ZNF536: variants seen among roughly 807,000 people sequenced by gnomAD.
ZNF536 encodes zinc finger protein 536.
In ZNF536, 13 loss-of-function variants were observed where a neutral mutation model predicts 84.5. The observed-to-expected ratio is 0.15, with a 90% CI of 0.10 to 0.24. ZNF536 has a LOEUF of 0.24. Among genes scored for constraint, ZNF536 ranks in the 10% least tolerant of loss-of-function variants. The pLI is 1.00. For synonymous variants in ZNF536, 811 were observed against 742.5 expected, an observed-to-expected ratio of 1.09 and a Z score of -1.50; for missense variants, 1,536 against 1,747.5, an observed-to-expected ratio of 0.88 and a Z score of 2.16.
chr19:30,505,344 TAATA>T (rs1387816731), intron 2 of ZNF536, among the ~76,000 whole-genome samples: 1 of 144,726 alleles, frequency 6.9e-6, no homozygotes, highest in Non-Finnish European at 1.5e-5. Context: ...TATTTTATGA[TAATA>T]AATATATATT....
chr19:30,356,011 G>A (rs1336401637), intron 3 of ZNF536, among the ~76,000 whole-genome samples: 1 of 152,210 alleles, frequency 6.6e-6, no homozygotes, highest in Admixed American at 6.5e-5. Context: ...ACACATGTAA[G>A]CCACTGTGCC....
At chr19:30,450,322 A>AG (rs898219912) in intron 2 of ZNF536, among the ~76,000 whole-genome samples, 5 of 150,886 alleles carry the variant, frequency 3.3e-5, no homozygotes, top group African/African-American at 7.3e-5. Flanking sequence ...AGGGGGCTGG[A>AG]GGGGGGGAGA....
intron 1 of ZNF536, among the ~76,000 whole-genome samples, chr19:30,270,502 A>C (rs942670984): frequency 2.6e-5 from 4 of 152,226 alleles, no homozygotes; most frequent in Non-Finnish European, 5.9e-5. Context: ...TGCCTGTCAA[A>C]AATAAATGCA....
intron 1 of ZNF536, among the ~76,000 whole-genome samples, chr19:30,651,167 G>A (rs1018462697): frequency 6.6e-6 from 1 of 152,134 alleles, no homozygotes; most frequent in Non-Finnish European, 1.5e-5. Flanking sequence ...GGTTAGGTGG[G>A]GTCCTGGAGG....
chr19:30,579,531 A>G (rs2046849143), intron 1 of ZNF536, among the ~76,000 whole-genome samples: 1 of 152,122 alleles, frequency 6.6e-6, no homozygotes, highest in Non-Finnish European at 1.5e-5. Context: ...CTTCCAAGAG[A>G]GCAAATGGAA....
chr19:30,306,133 T>C (rs933355667), intron 2 of ZNF536, among the ~76,000 whole-genome samples: 24 of 152,226 alleles, frequency 1.6e-4, no homozygotes, highest in Non-Finnish European at 2.8e-4. Flanking sequence ...CCTTTTTTTT[T>C]CAAAAGGTCA....
At chr19:30,437,080 T>C (rs547463917) in intron 1 of ZNF536, among the ~76,000 whole-genome samples, 1 of 152,364 alleles carries the variant, frequency 6.6e-6, no homozygotes, top group East Asian at 1.9e-4. Context: ...TGATTCTTTT[T>C]CGTGGTATAA....
rs999337825 is a variant in ZNF536, at chr19:30,319,797, A to C, written c.-119-32571A>C. Among the ~76,000 whole-genome samples, 3 of 152,364 alleles carry C rather than the reference A, an allele frequency of 2.0e-5. No homozygotes were observed. The East Asian group carries it at 5.8e-4, about 29-fold the overall frequency. Reference sequence around the variant, plus strand: ...CAAGTATATTTGGAACGAGCTAATAAACATTAATCAATATCATCAGCTGTA... The same window carrying C: ...CAAGTATATTTGGAACGAGCTAATACACATTAATCAATATCATCAGCTGTA... On this transcript the variant is annotated intron_variant, in intron 2 of 5. Coordinates refer to the ZNF536 transcript ENST00000585628.
At chr19:30,701,119 C>T (rs1600318389) in intron 1 of ZNF536, among the ~76,000 whole-genome samples, 1 of 152,278 alleles carries the variant, frequency 6.6e-6, no homozygotes, top group East Asian at 1.9e-4. Flanking sequence ...TCCTCGTGCT[C>T]AATGCCCAGC....
chr19:30,535,115 C>T (rs1033449110), intron 3 of ZNF536, 116 bp downstream of exon 3: 3 of 1,254,428 alleles, frequency 2.4e-6, no homozygotes, highest in South Asian at 1.7e-5. Context: ...GAAGGTTCTC[C>T]CTGGGCCTGT....
At chr19:30,533,549 G>T (rs958256380) in intron 2 of ZNF536, among the ~76,000 whole-genome samples, 2 of 151,890 alleles carry the variant, frequency 1.3e-5, no homozygotes, top group African/African-American at 4.8e-5. Context: ...TAAATGTGTT[G>T]TCCTTCATCT....
At chr19:30,463,770 G>A (rs866252846) in intron 2 of ZNF536, among the ~76,000 whole-genome samples, 4 of 152,286 alleles carry the variant, frequency 2.6e-5, no homozygotes, top group African/African-American at 9.6e-5. Context: ...TTTTGGTGGG[G>A]GTTATTGTGA....
At chr19:30,407,192 T>C (rs2050295296) in intron 1 of ZNF536, among the ~76,000 whole-genome samples, 1 of 152,210 alleles carries the variant, frequency 6.6e-6, no homozygotes, top group Non-Finnish European at 1.5e-5. Context: ...ACTGACCTTA[T>C]GATCCCCAGA....
intron 1 of ZNF536, among the ~76,000 whole-genome samples, chr19:30,687,505 T>C (rs1381146187): frequency 6.6e-6 from 1 of 152,212 alleles, no homozygotes; most frequent in African/African-American, 2.4e-5. Flanking sequence ...GTTGATAAAG[T>C]AAGCCCTTCC....
At chr19:30,485,109 A>C (rs1278734284) in intron 2 of ZNF536, among the ~76,000 whole-genome samples, 1 of 152,016 alleles carries the variant, frequency 6.6e-6, no homozygotes, top group Non-Finnish European at 1.5e-5. Flanking sequence ...GCGCCACTGC[A>C]CTCCAGCCTG....
intron 3 of ZNF536, among the ~76,000 whole-genome samples, chr19:30,360,897 G>C (rs761189220): frequency 1.3e-5 from 2 of 152,154 alleles, no homozygotes; most frequent in Non-Finnish European, 2.9e-5. Flanking sequence ...TGCCCTGTTC[G>C]CCAGGGCTTC....
At chr19:30,483,525 A>G (rs891297006) in intron 2 of ZNF536, among the ~76,000 whole-genome samples, 12 of 128,320 alleles carry the variant, frequency 9.4e-5, no homozygotes, top group African/African-American at 3.2e-4. Context: ...CACCCAGGGC[A>G]TGGTCCAGGC....
chr19:30,697,558 A>G (rs563759378), intron 1 of ZNF536, among the ~76,000 whole-genome samples: 4 of 152,190 alleles, frequency 2.6e-5, no homozygotes, highest in Non-Finnish European at 5.9e-5. Flanking sequence ...AGCTATTATT[A>G]TTATTGCACC....
chr19:30,617,866 G>A (rs1363149948), intron 1 of ZNF536, among the ~76,000 whole-genome samples: 2 of 152,058 alleles, frequency 1.3e-5, no homozygotes, highest in African/African-American at 4.8e-5. Context: ...CCTACACAGA[G>A]ACTGTTGGCC....
Sources: allele counts gnomAD v4.1 joint callset (sites outside exome capture counted in the v4.1 genomes callset), GRCh38; gene constraint gnomAD v4.1.1; transcripts MANE v1.5; gene names NCBI Gene and HGNC (gene_info 2026-07-23, HGNC 2026-07-21).